The following MYO15A variants were observed in gnomAD, a reference collection of about 807,000 sequenced individuals.
MYO15A encodes the protein unconventional myosin-XV.
Under a neutral mutation model 394.6 loss-of-function variants are expected in MYO15A, and 308 were observed. That is an observed-to-expected ratio of 0.78 (90% CI 0.71 to 0.86). The LOEUF is 0.86. Ranked by LOEUF, MYO15A falls within the 40% of genes least tolerant of loss-of-function variation. The probability of loss-of-function intolerance (pLI) is 0.00; values close to 1 mark genes in which losing one functional copy is unlikely to be tolerated. For synonymous variants in MYO15A, 1,957 were observed against 2,003.8 expected, an observed-to-expected ratio of 0.98 and a Z score of 0.62; for missense variants, 4,606 against 4,799.1, an observed-to-expected ratio of 0.96 and a Z score of 1.19.
intron 8 of MYO15A, among the ~76,000 whole-genome samples, 180 bp downstream of exon 8, chr17:18,130,990 G>C (rs1043436712): frequency 6.6e-6 from 1 of 152,020 alleles, no homozygotes; most frequent in Non-Finnish European, 1.5e-5. Flanking sequence ...GGGCTGCTGT[G>C]GGGGGCCATG....
In MYO15A at chr17:18,119,090, G is replaced by C. The variant is rs2045843915; in HGVS notation, c.290G>C (p.Arg97Pro). 1 of 1,611,742 alleles carries C rather than the reference G, an allele frequency of 6.2e-7. No homozygotes were observed. Among genetic ancestry groups the C allele is most frequent in the Non-Finnish European group, 8.5e-7 (1 of 1,179,574 alleles). The change falls in exon 2 of 66, where the codon CGG becomes CCG. Residue 97 changes from arginine (R) to proline (P), a missense_variant. Arg to Pro is a moderately radical substitution (Grantham distance 103). Around this residue, in one of 2 missense-constraint regions of MYO15A, gnomAD observed 1,830 missense variants for 1,689.7 expected, o/e 1.08. Transcript: ENST00000647165. ...MTQMRMGKKKRAMKGKKPSFM... is the reference protein window; with the variant it reads ...MTQMRMGKKKPAMKGKKPSFM... Reference sequence around the variant, plus strand: ...CAGATGCGCATGGGCAAGAAGAAGCGGGCGATGAAGGGCAAGAAGCCGTCC... The same window carrying C: ...CAGATGCGCATGGGCAAGAAGAAGCCGGCGATGAAGGGCAAGAAGCCGTCC...
intron 65 of MYO15A, among the ~76,000 whole-genome samples, chr17:18,176,403 T>C (rs1245589009): frequency 1.3e-5 from 2 of 152,064 alleles, no homozygotes; most frequent in African/African-American, 4.8e-5. Flanking sequence ...GTGTGAACTA[T>C]TAGAGTGAGG....
chr17:18,137,945 G>C (rs950677931), intron 16 of MYO15A, 170 bp from the exon 17 acceptor site: 33 of 989,674 alleles, frequency 3.3e-5, no homozygotes, highest in Non-Finnish European at 4.6e-5. Context: ...GGGAGCAGCA[G>C]GACCCTGAGT....
intron 65 of MYO15A, among the ~76,000 whole-genome samples, chr17:18,175,292 C>CTTTTTTT (rs1182500584): frequency 3.3e-5 from 3 of 91,288 alleles, no homozygotes; most frequent in Admixed American, 1.2e-4. Flanking sequence ...TCTAGACTAT[C>CTTTTTTT]TTTTTTTTTT....
At position 18,127,101 on chromosome 17, in the gene MYO15A, A is replaced by G. The variant is rs775495741; in HGVS notation, c.3968A>G (p.Glu1323Gly). The change falls in exon 7 of 66, where the codon GAG becomes GGG. Residue 1323 changes from glutamate (E) to glycine (G), a missense_variant. By Grantham distance (98) the Glu-to-Gly change is moderately conservative. Transcript: ENST00000647165. Reference sequence around the variant, plus strand: ...GGAGAGAGCGGCTCTGGCAAAACTGAGGCCACCAAGCTGATTCTGCGCTAC... The same window carrying G: ...GGAGAGAGCGGCTCTGGCAAAACTGGGGCCACCAAGCTGATTCTGCGCTAC... The part of the protein sequence containing the change: ...ISGESGSGKT[E>G]ATKLILRYLA... 6.2e-6 allele frequency: 10 copies of G among 1,613,916 alleles called. 2 individuals are homozygous for G. In the South Asian group the frequency reaches 1.1e-4, roughly 18 times the overall value.
At position 18,132,651 on chromosome 17, in the gene MYO15A, G is replaced by T; in HGVS notation, c.4320+85G>T. On this transcript the variant is annotated intron_variant, in intron 11 of 65. Coordinates refer to ENST00000647165, the MANE Select transcript of MYO15A (RefSeq NM_016239.4). The surrounding 1 kb of genome is among the most constrained non-coding windows in gnomAD (Gnocchi z 4.6). ...GGCTGGGCCTTGGGAGCCGAGTTGTGAGTGATGGAGTGTGAAGGTGAAGGA... is the reference window on the plus strand; with the variant it reads ...GGCTGGGCCTTGGGAGCCGAGTTGTTAGTGATGGAGTGTGAAGGTGAAGGA... 9.4e-7 allele frequency: 1 copy of T among 1,062,234 alleles called. No individual in the cohort carries two copies. The allele number at this position is 1,062,234 out of a possible 1,614,324, so 65.8% of individuals were successfully genotyped here. A position where few individuals can be genotyped will look rare whatever the true frequency, so the allele number is the denominator to read the frequency against.
chr17:18,137,024 G>A (rs1395023094), intron 15 of MYO15A, among the ~76,000 whole-genome samples: 2 of 152,232 alleles, frequency 1.3e-5, no homozygotes, highest in South Asian at 2.1e-4. Context: ...CAAAGGCACT[G>A]TAGGTGCAGG....
rs990963529 is a variant in MYO15A at position 18,119,851 on chromosome 17, G to A, written c.1051G>A (p.Ala351Thr). Residue 351 changes from alanine (A) to threonine (T), a missense_variant, in exon 2 of 66, where the codon GCG (alanine) becomes ACG (threonine). Ala to Thr is a moderately conservative substitution (Grantham distance 58). Coordinates refer to ENST00000647165, the MANE Select transcript of MYO15A (RefSeq NM_016239.4). ...CCTGGATCCCTATGCGCCGTACGAC[G>A]CGCCATACCCACCCTATGACCTCCC... ...YYLDPYAPYD[A>T]PYPPYDLPYH... is the part of the protein sequence containing the mutation. 7.4e-6 allele frequency: 12 copies of A among 1,612,960 alleles called. No individual in the cohort carries two copies. The highest frequency in any genetic ancestry group is 2.7e-5 in the African/African-American group (2 of 74,902).
At chr17:18,114,460 C>T (rs2045761196) in intron 1 of MYO15A, among the ~76,000 whole-genome samples, 2 of 152,076 alleles carry the variant, frequency 1.3e-5, no homozygotes, top group African/African-American at 4.8e-5. Context: ...CCATGTTGGT[C>T]AGGCTGGTCT....
chr17:18,121,115 C>G lies in MYO15A; in HGVS notation c.2315C>G (p.Pro772Arg), dbSNP rs530055219. Residue 772 changes from proline to arginine, a missense_variant, in exon 2 of 66, where the codon CCG becomes CGG. Pro to Arg is a moderately radical substitution (Grantham distance 103). This residue lies in a region of MYO15A where 1,830 missense variants were observed against 1,689.7 expected (regional missense o/e 1.08). Transcript: ENST00000647165. The surrounding 1 kb of genome is among the most constrained non-coding windows in gnomAD (Gnocchi z 5.3). ...PRASRRRAWS[P>R]LASPQPSLRS... The stretch of plus-strand genomic sequence containing the variant: ...GCGTCGCGGAGGCGAGCTTGGTCAC[C>G]GCTGGCCTCGCCCCAGCCCTCGCTG... 2.9e-5 allele frequency: 44 copies of G among 1,504,270 alleles called. No homozygotes were observed. The African/African-American group carries it at 5.6e-4, about 19-fold the overall frequency. 93.2% of individuals were successfully genotyped at this position (1,504,270 alleles called of 1,614,324 possible).
In MYO15A at chr17:18,162,643, G is replaced by A; in HGVS notation, c.9576G>A (p.Leu3192=). 6.2e-7 allele frequency: 1 copy of A among 1,614,062 alleles called. No homozygotes were observed. The highest frequency in any genetic ancestry group is 1.3e-5 in the African/African-American group (1 of 75,044). ...AAACCTTGCGCTTCGGAGGTCGTCT[G>A]GAGCTCCCCAGCAGCATAGAGCTTC... ...LQKTLRFGGR[L]ELPSSIELRA... is the part of the protein sequence containing the mutation. Residue 3192 remains leucine (L), a synonymous_variant, in exon 58 of 66, where the codon CTG becomes CTA. Coordinates refer to ENST00000647165, the MANE Select transcript of MYO15A (RefSeq NM_016239.4).
At chr17:18,138,346 G>A in intron 17 of MYO15A, 100 bp downstream of exon 17, 2 of 1,467,378 alleles carry the variant, frequency 1.4e-6, no homozygotes, top group Non-Finnish European at 1.9e-6. Context: ...GCTCTGGCCT[G>A]AGTCAGGCAG....
At chr17:18,151,347 G>A (rs1010946674) in intron 39 of MYO15A, 48 bp from the exon 40 acceptor site, 1 of 1,614,180 alleles carries the variant, frequency 6.2e-7, no homozygotes, top group Non-Finnish European at 8.5e-7. Flanking sequence ...TGGTGTGGTT[G>A]TGCCCCTTGT....
chr17:18,157,599 G>A lies in MYO15A; in HGVS notation c.8789-123G>A, dbSNP rs977064696. On this transcript the variant is annotated intron_variant, in intron 50 of 65. Transcript: ENST00000647165. ...TCCTCATCTGTAAAATGGGTTTGAT[G>A]GCCTGGCCTGCCTCATAGAGTTCCA... 2.4e-5 allele frequency: 37 copies of A among 1,518,286 alleles called. No individual in the cohort carries two copies. In the African/African-American group the frequency reaches 4.7e-4, roughly 19 times the overall value. 94.1% of individuals were successfully genotyped at this position (1,518,286 alleles called of 1,614,324 possible).
chr17:18,124,436 G>A (rs772017974), intron 2 of MYO15A, 47 bp from the exon 3 acceptor site: 1 of 1,581,898 alleles, frequency 6.3e-7, no homozygotes, highest in Non-Finnish European at 8.6e-7. Context: ...CAGTGGGGGA[G>A]GGGGGTGCCC....
rs760290979 is a variant in MYO15A, at chr17:18,133,338, C to A, written c.4434C>A (p.Ile1478=). 4 of 1,614,224 alleles carry A rather than the reference C, an allele frequency of 2.5e-6. No individual in the cohort carries two copies. ...AGGACCAGGACAGCATCTTCCGCAT[C>A]CTGGCCTCCATCCTGCACCTGGGCA... ...SSEDQDSIFR[I]LASILHLGNV... is the part of the protein sequence containing the mutation. Residue 1478 remains isoleucine, a synonymous_variant, in exon 12 of 66, where the codon ATC becomes ATA. Transcript: ENST00000647165.
intron 62 of MYO15A, among the ~76,000 whole-genome samples, chr17:18,171,130 C>T (rs554923641): frequency 2.6e-5 from 4 of 152,148 alleles, no homozygotes; most frequent in Admixed American, 2.0e-4. Flanking sequence ...TAGCAGCCAG[C>T]GTATGTCAGA....
At chr17:18,126,943 G>C (rs1312781035) in intron 6 of MYO15A, 78 bp downstream of exon 6, 31 of 1,600,590 alleles carry the variant, frequency 1.9e-5, no homozygotes, top group Non-Finnish European at 2.6e-5. Flanking sequence ...AACTGCTGTG[G>C]GACCTTGGAA....
intron 2 of MYO15A, chr17:18,122,976 CA>C (rs1288536031): frequency 1.3e-5 from 2 of 154,938 alleles, no homozygotes; most frequent in Admixed American, 1.3e-4. Flanking sequence ...CCTCATTGCA[CA>C]GAGGGAAAAC....
Sources: gnomAD v4.1 joint callset for allele counts (sites outside exome capture counted in the v4.1 genomes callset) on GRCh38, gnomAD v4.1.1 for gene constraint, gnomAD v4.1.1 regional missense constraint, Gnocchi (gnomAD v3.1) non-coding constraint, MANE v1.5 for transcripts, NCBI Gene and HGNC (gene_info 2026-07-23, HGNC 2026-07-21) for gene names.